The following NAT1 variants were observed in gnomAD, a reference collection of about 807,000 sequenced individuals.
NAT1 encodes the protein arylamine N-acetyltransferase 1.
For missense variants in NAT1, 400 were observed against 339.2 expected, an observed-to-expected ratio of 1.18 and a Z score of -1.41; for synonymous variants, 144 against 122.6, an observed-to-expected ratio of 1.17 and a Z score of -1.16.
Position 18,222,985 on chromosome 8 carries a change from T to C in NAT1, c.*65T>C. The C allele has an allele frequency of 7.3e-7, 1 of 1,368,808 alleles. No individual in the cohort carries two copies. The allele number at this position is 1,368,808 out of a possible 1,614,324, so 84.8% of individuals were successfully genotyped here. On this transcript the variant is annotated 3_prime_UTR_variant, in exon 3 of 3. Transcript: ENST00000307719. Reference sequence around the variant, plus strand: ...TCACCAGTTATCAACTGACGACCTATCATGTATCTTCTGTACCCTTACCTT... The same window carrying C: ...TCACCAGTTATCAACTGACGACCTACCATGTATCTTCTGTACCCTTACCTT...
chr8:18,189,553 C>A (rs563016679), intron 2 of NAT1, among the ~76,000 whole-genome samples: 2 of 152,228 alleles, frequency 1.3e-5, no homozygotes, highest in Admixed American at 1.3e-4. Context: ...TTTTTCTACC[C>A]CAGACATTAG....
intron 2 of NAT1, among the ~76,000 whole-genome samples, chr8:18,173,482 T>G (rs1377855838): frequency 1.3e-5 from 2 of 152,188 alleles, no homozygotes; most frequent in Admixed American, 1.3e-4. Flanking sequence ...GCTTATGCTG[T>G]GCACCTACAT....
intron 2 of NAT1, among the ~76,000 whole-genome samples, chr8:18,172,769 A>C (rs1188203209): frequency 1.3e-5 from 2 of 152,206 alleles, no homozygotes; most frequent in East Asian, 3.8e-4. Context: ...ACTGCTGTGC[A>C]CATAATTACT....
intron 2 of NAT1, among the ~76,000 whole-genome samples, chr8:18,196,002 T>C (rs1803216076): frequency 6.6e-6 from 1 of 151,958 alleles, no homozygotes; most frequent in Admixed American, 6.6e-5. Flanking sequence ...TACACAGAGG[T>C]GAAGTTTGTC....
Position 18,182,785 on chromosome 8 carries a change from G to A in NAT1, n.92+12046G>A, listed in dbSNP as rs556525188. Among the ~76,000 whole-genome samples the A allele has an allele frequency of 2.2e-4, 34 of 152,092 alleles. No homozygotes were observed. In the South Asian group the frequency reaches 7.1e-3, roughly 32 times the overall value. ...ATCAATTTTCACTCAAAAAGTGTTG[G>A]GATTTAGATGGGGATTTCATTGAAC... On this transcript the variant is annotated intron_variant and non_coding_transcript_variant, in intron 2 of 4. Transcript: ENST00000517441.
intron 2 of NAT1, among the ~76,000 whole-genome samples, chr8:18,179,312 G>A (rs551519102): frequency 6.6e-6 from 1 of 152,276 alleles, no homozygotes; most frequent in East Asian, 1.9e-4. Context: ...AGGTGAAAAG[G>A]TAGATAGGGA....
chr8:18,212,640 A>C (rs919171231), intron 1 of NAT1: 2 of 152,322 alleles, frequency 1.3e-5, no homozygotes, highest in Non-Finnish European at 2.9e-5. Flanking sequence ...GCTCTCTGCA[A>C]AGGAGGGCAA....
In NAT1 at chr8:18,222,553, A is replaced by G. The variant is rs775745792; in HGVS notation, c.506A>G (p.Tyr169Cys). Residue 169 changes from tyrosine (Y) to cysteine (C), a missense_variant, in exon 3 of 3, where the codon TAC (tyrosine) becomes TGC (cysteine). Tyr to Cys is a radical substitution (Grantham distance 194). Coordinates refer to ENST00000307719, the MANE Select transcript of NAT1 (RefSeq NM_000662.8). ...WYLDQIRREQ[Y>C]IPNEEFLHSD... ...CTAGACCAAATCAGAAGGGAACAGT[A>G]CATTCCAAATGAAGAATTTCTTCAT... 6.2e-7 allele frequency: 1 copy of G among 1,614,178 alleles called. No individual in the cohort carries two copies.
upstream of NAT1, chr8:18,209,794 C>T (rs1211900869): frequency 1.3e-5 from 2 of 152,208 alleles, no homozygotes; most frequent in Admixed American, 6.5e-5. Context: ...ACCAGTTCTG[C>T]TTTTCCTGGA....
At chr8:18,219,307 G>T in intron 1 of NAT1, 104 bp from the exon 2 acceptor site, 1 of 760,698 alleles carries the variant, frequency 1.3e-6, no homozygotes. Flanking sequence ...CCTCTGTTTT[G>T]TGATTTTTAG....
chr8:18,191,021 A>G (rs1858717), intron 2 of NAT1, among the ~76,000 whole-genome samples: 94,970 of 151,700 alleles, frequency 0.63, 33,558 homozygotes, highest in Non-Finnish European at 0.78. Flanking sequence ...AGCTGAGATC[A>G]CACCACTGTG....
intron 1 of NAT1, among the ~76,000 whole-genome samples, chr8:18,210,574 C>T (rs1803984513): frequency 1.3e-5 from 2 of 152,304 alleles, no homozygotes; most frequent in South Asian, 2.1e-4. Context: ...CAGGATTTCC[C>T]TCTTGGTTAC....
intron 2 of NAT1, among the ~76,000 whole-genome samples, chr8:18,198,471 T>G (rs1355188492): frequency 6.6e-6 from 1 of 152,186 alleles, no homozygotes; most frequent in Non-Finnish European, 1.5e-5. Context: ...AAAGGGAGTA[T>G]CAAGAGCTCT....
Position 18,179,005 on chromosome 8 carries a change from T to G in NAT1, n.92+8266T>G, listed in dbSNP as rs922429101. ...TTCCTCAACAGTTTCAACTTGTCCT[T>G]CTTGTTCCTGCGTGCCTTTAATTAG... On this transcript the variant is annotated intron_variant and non_coding_transcript_variant, in intron 2 of 4. Coordinates refer to the NAT1 transcript ENST00000517441. Among the ~76,000 whole-genome samples the G allele has an allele frequency of 6.6e-5, 10 of 152,286 alleles. No homozygotes were observed. The South Asian group carries it at 1.9e-3, about 28-fold the overall frequency.
chr8:18,175,343 T>C (rs917359747), intron 2 of NAT1, among the ~76,000 whole-genome samples: 1 of 152,090 alleles, frequency 6.6e-6, no homozygotes, highest in East Asian at 1.9e-4. Flanking sequence ...TCGTACCCTT[T>C]GATCAACATC....
rs1170465216 is a variant in NAT1 at position 18,222,381 on chromosome 8, G to A, written c.334G>A (p.Val112Met). 1 of 1,614,080 alleles carries A rather than the reference G, an allele frequency of 6.2e-7. No individual in the cohort carries two copies. Among genetic ancestry groups the A allele is most frequent in the Non-Finnish European group, 8.5e-7 (1 of 1,180,010 alleles). The change falls in exon 3 of 3, where the codon GTG (valine) becomes ATG (methionine). Residue 112 changes from valine (V) to methionine (M), a missense_variant. Coordinates refer to ENST00000307719, the MANE Select transcript of NAT1 (RefSeq NM_000662.8). ...TGGCATGATTCACCTTCTCCTGCAGGTGACCATTGATGGCAGGAACTACAT... is the reference window on the plus strand; with the variant it reads ...TGGCATGATTCACCTTCTCCTGCAGATGACCATTGATGGCAGGAACTACAT... ...STGMIHLLLQ[V>M]TIDGRNYIVD... is the part of the protein sequence containing the mutation.
chr8:18,201,647 G>C lies in NAT1; in HGVS notation n.93-8134G>C, dbSNP rs185622771. On this transcript the variant is annotated intron_variant and non_coding_transcript_variant, in intron 2 of 4. Transcript: ENST00000517441. ...ACTCCCAGAGGGGATGGGCTGACCA[G>C]CGTGGGCTGACTGGCATTGGGTTGG... Among the ~76,000 whole-genome samples, 69 of 152,382 alleles carry C rather than the reference G, an allele frequency of 4.5e-4. No homozygotes were observed. The East Asian group carries it at 0.011, about 23-fold the overall frequency.
chr8:18,195,509 G>A (rs907001076), intron 2 of NAT1, among the ~76,000 whole-genome samples: 1 of 152,160 alleles, frequency 6.6e-6, no homozygotes, highest in Non-Finnish European at 1.5e-5. Flanking sequence ...CTTGGTGGAA[G>A]TTTGGACCCA....
chr8:18,196,481 A>T (rs1803239894), intron 2 of NAT1, among the ~76,000 whole-genome samples: 1 of 152,216 alleles, frequency 6.6e-6, no homozygotes, highest in African/African-American at 2.4e-5. Flanking sequence ...ATGATGACAG[A>T]CTAACACTTC....
Sources: gnomAD v4.1 joint callset for allele counts (sites outside exome capture counted in the v4.1 genomes callset) on GRCh38, gnomAD v4.1.1 for gene constraint, MANE v1.5 for transcripts, NCBI Gene and HGNC (gene_info 2026-07-23, HGNC 2026-07-21) for gene names.